Variants in SAMD4B observed in about 807,000 individuals in gnomAD.
The protein encoded by SAMD4B is sterile alpha motif domain containing 4B.
A neutral mutation model predicts 74.5 loss-of-function variants in SAMD4B; 5 were observed. That is an observed-to-expected ratio of 0.07 (90% confidence interval 0.04 to 0.14). The LOEUF (loss-of-function observed/expected upper bound fraction) is 0.14. Ranked by LOEUF, SAMD4B falls within the 10% of genes least tolerant of loss-of-function variation. The pLI is 1.00. For missense variants in SAMD4B, 608 were observed against 921.8 expected, an observed-to-expected ratio of 0.66 and a Z score of 4.41; for synonymous variants, 373 against 374.9, an observed-to-expected ratio of 1.00 and a Z score of 0.06.
intron 3 of SAMD4B, 45 bp from the exon 4 acceptor site, chr19:39,369,610 A>G (rs774769258): frequency 4.0e-6 from 6 of 1,506,328 alleles, no homozygotes; most frequent in Non-Finnish European, 5.5e-6. Flanking sequence ...GAATAGGAGT[A>G]CCCCACCCTG....
intron 1 of SAMD4B, chr19:39,350,176 T>C (rs998973821): frequency 6.6e-6 from 1 of 152,246 alleles, no homozygotes; most frequent in Non-Finnish European, 1.5e-5. Flanking sequence ...ATGCTTGCTA[T>C]TGAAATGAAG....
At position 39,380,669 on chromosome 19, in the gene SAMD4B, A is replaced by C. The variant is rs771574389; in HGVS notation, c.1732A>C (p.Met578Leu). The C allele has an allele frequency of 6.2e-7, 1 of 1,613,692 alleles. No homozygotes were observed. Among genetic ancestry groups the C allele is most frequent in the East Asian group, 2.2e-5 (1 of 44,858 alleles). The change falls in exon 11 of 14, where the codon ATG becomes CTG. Residue 578 changes from methionine to leucine, a missense_variant. By Grantham distance (15) the Met-to-Leu change is conservative. Around this residue, in one of 9 missense-constraint regions of SAMD4B, gnomAD observed 167 missense variants for 193.0 expected, o/e 0.87. Coordinates refer to ENST00000610417, the MANE Select transcript of SAMD4B (RefSeq NM_001384574.2). ...CCGGCGTACCCAGCGGCAGTTCCCA[A>C]TGCCTCCCCGGGCCCTCCCACCCGG... ...VARRTQRQFP[M>L]PPRALPPGRM...
Position 39,383,115 on chromosome 19 carries a change from T to A in SAMD4B, c.1973-93T>A. On this transcript the variant is annotated intron_variant, in intron 12 of 13. Transcript: ENST00000610417. This position sits in a 1 kb window ranked among gnomAD's most constrained non-coding sequence, Gnocchi z 4.1. The stretch of plus-strand genomic sequence containing the variant: ...CCCTCTCCCCCTCCATCTCTCTTGC[T>A]CCCTTCCCATACCAGCATCCTTTGT... 1 of 1,001,120 alleles carries A rather than the reference T, an allele frequency of 1.0e-6. No individual in the cohort carries two copies. Among genetic ancestry groups the A allele is most frequent in the Non-Finnish European group, 1.6e-6 (1 of 620,916 alleles). 62.0% of individuals were successfully genotyped at this position (1,001,120 alleles called of 1,614,324 possible). A position where few individuals can be genotyped will look rare whatever the true frequency, so the allele number is the denominator to read the frequency against.
chr19:39,383,519 A>G lies in SAMD4B; in HGVS notation c.2077A>G (p.Thr693Ala). The part of the protein sequence containing the change: ...ALGDGTDKTS[T>A]I ...CACAGATGGGACAGACAAAACCTCC[A>G]CCATCTGACGGGACCCACAGCCCAG... The change falls in exon 14 of 14, where the codon ACC becomes GCC. Residue 693 changes from threonine to alanine, a missense_variant. Thr to Ala is a moderately conservative substitution (Grantham distance 58). This residue lies in a region of SAMD4B where 15 missense variants were observed against 40.5 expected (regional missense o/e 0.37). Coordinates refer to ENST00000610417, the MANE Select transcript of SAMD4B (RefSeq NM_001384574.2). The surrounding 1 kb of genome is among the most constrained non-coding windows in gnomAD (Gnocchi z 4.1). The G allele has an allele frequency of 6.2e-7, 1 of 1,613,748 alleles. No homozygotes were observed. Among genetic ancestry groups the G allele is most frequent in the Non-Finnish European group, 8.5e-7 (1 of 1,179,920 alleles).
intron 1 of SAMD4B, among the ~76,000 whole-genome samples, chr19:39,342,866 C>T (rs1375280536): frequency 6.6e-6 from 1 of 151,596 alleles, no homozygotes; most frequent in Admixed American, 6.6e-5. Flanking sequence ...TCCTCAGGAC[C>T]CCCCGCACAT....
intron 3 of SAMD4B, among the ~76,000 whole-genome samples, chr19:39,368,429 T>G (rs527505172): frequency 6.6e-6 from 1 of 152,208 alleles, no homozygotes; most frequent in East Asian, 1.9e-4. Flanking sequence ...AGCCAAGGTG[T>G]GGAGCTTGGA....
Position 39,376,587 on chromosome 19 carries a change from G to T in SAMD4B, c.1017+41G>T, listed in dbSNP as rs750506941. 4 of 1,589,276 alleles carry T rather than the reference G, an allele frequency of 2.5e-6. No homozygotes were observed. The African/African-American group carries it at 5.4e-5, about 21-fold the overall frequency. On this transcript the variant is annotated intron_variant, in intron 6 of 13. Coordinates refer to ENST00000610417, the MANE Select transcript of SAMD4B (RefSeq NM_001384574.2). The stretch of plus-strand genomic sequence containing the variant: ...CCATCAGGGAGGTGCTGGGGGCAGC[G>T]CTAGTTTGGCATCCTTGCAGCCCAA...
downstream of SAMD4B, chr19:39,390,372 A>G: frequency 7.8e-7 from 1 of 1,274,036 alleles, no homozygotes; most frequent in Non-Finnish European, 1.1e-6. Context: ...ACCTTTCAAA[A>G]GGTAGGAGGG....
chr19:39,347,576 G>C (rs1208878289), intron 1 of SAMD4B, among the ~76,000 whole-genome samples: 1 of 152,126 alleles, frequency 6.6e-6, no homozygotes, highest in Non-Finnish European at 1.5e-5. Context: ...GGATATCACG[G>C]GTGATATGAG....
At chr19:39,347,463 T>A (rs1302167324) in intron 1 of SAMD4B, among the ~76,000 whole-genome samples, 1 of 152,146 alleles carries the variant, frequency 6.6e-6, no homozygotes, top group Admixed American at 6.6e-5. Context: ...GTGATGGCAA[T>A]CTCCCTCCCC....
In SAMD4B at chr19:39,377,514, C is replaced by T. The variant is rs765323065; in HGVS notation, c.1134C>T (p.Asn378=). ...KDVLEGGNLR[N]ALQELQQIII... Reference sequence around the variant, plus strand: ...TGCTGGAAGGCGGGAACCTACGAAACGCTCTGCAGGAGCTGCAGCAGATCA... The same window carrying T: ...TGCTGGAAGGCGGGAACCTACGAAATGCTCTGCAGGAGCTGCAGCAGATCA... Residue 378 remains asparagine, a synonymous_variant, in exon 8 of 14, where the codon AAC becomes AAT. Coordinates refer to ENST00000610417, the MANE Select transcript of SAMD4B (RefSeq NM_001384574.2). 22 of 1,582,602 alleles carry T rather than the reference C, an allele frequency of 1.4e-5. No individual in the cohort carries two copies. Among genetic ancestry groups the T allele is most frequent in the South Asian group, 3.4e-5 (3 of 88,122 alleles).
Position 39,383,471 on chromosome 19 carries a change from TCCTC to T in SAMD4B, c.2057-24_2057-21del, listed in dbSNP as rs2078127219. 6.2e-7 allele frequency: 1 copy of T among 1,611,410 alleles called. No homozygotes were observed. The highest frequency in any genetic ancestry group is 1.7e-5 in the Admixed American group (1 of 59,998). On this transcript the variant is annotated intron_variant, in intron 13 of 13. Coordinates refer to ENST00000610417, the MANE Select transcript of SAMD4B (RefSeq NM_001384574.2). This position sits in a 1 kb window ranked among gnomAD's most constrained non-coding sequence, Gnocchi z 4.1. The stretch of plus-strand genomic sequence containing the variant: ...TGGGCCTCCCTCCAGCTCCTGATCT[TCCTC>T]CCTTCCTCCCTTTCTTACCACAGAT...
At chr19:39,390,525 G>A (rs182834567), downstream of SAMD4B, among the ~76,000 whole-genome samples, 1 of 152,316 alleles carries the variant, frequency 6.6e-6, no homozygotes, top group East Asian at 1.9e-4. Context: ...CCCTTTTGCA[G>A]GAGATGGCTT....
At chr19:39,374,278 A>G (rs984818872) in intron 4 of SAMD4B, among the ~76,000 whole-genome samples, 1 of 152,090 alleles carries the variant, frequency 6.6e-6, no homozygotes, top group Admixed American at 6.5e-5. Context: ...AAAAAAATCA[A>G]GTTGGATTCC....
In SAMD4B at chr19:39,383,948, C is replaced by G. The variant is rs77539404; in HGVS notation, c.*421C>G. On this transcript the variant is annotated 3_prime_UTR_variant, in exon 14 of 14. Transcript: ENST00000610417. This position sits in a 1 kb window ranked among gnomAD's most constrained non-coding sequence, Gnocchi z 4.1. Reference sequence around the variant, plus strand: ...CAGAAACATTTGACATTTGGGGTGACGCGCAGGGCAGAGAACCTGCCCTCC... The same window carrying G: ...CAGAAACATTTGACATTTGGGGTGAGGCGCAGGGCAGAGAACCTGCCCTCC... 3.7e-6 allele frequency: 2 copies of G among 544,026 alleles called. No individual in the cohort carries two copies. Among genetic ancestry groups the G allele is most frequent in the African/African-American group, 3.8e-5 (2 of 53,012 alleles). The allele number at this position is 544,026 out of a possible 1,614,324, so 33.7% of individuals were successfully genotyped here.
intron 1 of SAMD4B, among the ~76,000 whole-genome samples, chr19:39,349,489 C>G: frequency 6.6e-6 from 1 of 152,174 alleles, no homozygotes; most frequent in East Asian, 1.9e-4. Context: ...CCTTCCCCAG[C>G]ACCATTCATA....
chr19:39,357,007 C>T lies in SAMD4B; in HGVS notation c.114C>T (p.Ala38=). ...TGAAACGGGTCACCCGTACCCAGGC[C>T]CGCTTCCTGCAGCTCTGCCTGGAGC... ...SLLKRVTRTQ[A]RFLQLCLEHS... is the part of the protein sequence containing the mutation. The change falls in exon 3 of 14, where the codon GCC becomes GCT. Residue 38 remains alanine, a synonymous_variant. Transcript: ENST00000610417. 1 of 1,614,094 alleles carries T rather than the reference C, an allele frequency of 6.2e-7. No homozygotes were observed. Among genetic ancestry groups the T allele is most frequent in the African/African-American group, 1.3e-5 (1 of 75,052 alleles).
At chr19:39,370,947 G>A (rs2077259874) in intron 4 of SAMD4B, among the ~76,000 whole-genome samples, 1 of 152,226 alleles carries the variant, frequency 6.6e-6, no homozygotes, top group African/African-American at 2.4e-5. Context: ...CAACCAGTCT[G>A]ATGGCAGAGC....
At chr19:39,386,047 C>A, downstream of SAMD4B, 1 of 1,613,994 alleles carries the variant, frequency 6.2e-7, no homozygotes, top group Non-Finnish European at 8.5e-7. This position sits in a 1 kb window ranked among gnomAD's most constrained non-coding sequence, Gnocchi z 6.1. Flanking sequence ...TCACTGCCAT[C>A]CTCCTGGGCC....
Sources: allele counts gnomAD v4.1 joint callset (sites outside exome capture counted in the v4.1 genomes callset), GRCh38; gene constraint gnomAD v4.1.1; regional missense constraint gnomAD v4.1.1; non-coding constraint Gnocchi (gnomAD v3.1); transcripts MANE v1.5; gene names NCBI Gene and HGNC (gene_info 2026-07-23, HGNC 2026-07-21).